Variants in ATXN10 observed in about 807,000 individuals in gnomAD.
The protein encoded by ATXN10 is ataxin-10.
Under a neutral mutation model 52.9 loss-of-function variants are expected in ATXN10, and 28 were observed. That is an observed-to-expected ratio of 0.53 (90% confidence interval 0.39 to 0.73). The LOEUF is 0.73. ATXN10 is among the 30% of genes least tolerant of loss of function. The pLI is 0.00. For synonymous variants in ATXN10, 226 were observed against 221.5 expected (o/e 1.02, Z -0.18); for missense variants, 565 against 577.0 (o/e 0.98, Z 0.21).
chr22:45,672,390 C>A, intron 1 of ATXN10: 2 of 340,194 alleles, frequency 5.9e-6, no homozygotes, highest in Non-Finnish European at 4.5e-6. Flanking sequence ...GCGGGCGCCC[C>A]GCTCCCCCAC....
Position 45,783,278 on chromosome 22 carries a change from T to C in ATXN10, c.1174-23681T>C, listed in dbSNP as rs1489496332. ...AGGATTCAAGCCCTGGGAGGGATGGTGAGAGATTTTCTCATGCTCCTCAGC... is the reference window on the plus strand; with the variant it reads ...AGGATTCAAGCCCTGGGAGGGATGGCGAGAGATTTTCTCATGCTCCTCAGC... On this transcript the variant is annotated intron_variant, in intron 9 of 11. Transcript: ENST00000252934. This position sits in a 1 kb window ranked among gnomAD's most constrained non-coding sequence, Gnocchi z 5.0. 3.3e-5 allele frequency among the ~76,000 whole-genome samples: 5 copies of C among 152,180 alleles called. No homozygotes were observed. Among genetic ancestry groups the C allele is most frequent in the African/African-American group, 1.2e-4 (5 of 41,444 alleles).
chr22:45,809,620 A>T (rs1928215673), intron 10 of ATXN10, among the ~76,000 whole-genome samples: 1 of 152,110 alleles, frequency 6.6e-6, no homozygotes. Flanking sequence ...TGGAGTTAGG[A>T]CTGCACATCC....
At chr22:45,827,796 C>T (rs979505158) in intron 10 of ATXN10, among the ~76,000 whole-genome samples, 5 of 152,154 alleles carry the variant, frequency 3.3e-5, no homozygotes, top group African/African-American at 1.2e-4. Flanking sequence ...ATACACAGAA[C>T]ACTCTATCCT....
Position 45,677,934 on chromosome 22 carries a change from A to C in ATXN10, c.116+5755A>C, listed in dbSNP as rs2146723286. On this transcript the variant is annotated intron_variant, in intron 1 of 11. Coordinates refer to ENST00000252934, the MANE Select transcript of ATXN10 (RefSeq NM_013236.4). This position sits in a 1 kb window ranked among gnomAD's most constrained non-coding sequence, Gnocchi z 4.1. The stretch of plus-strand genomic sequence containing the variant: ...CTCAAAAAGCTAAACATGGAATATG[A>C]CCAAGCAGTTTTACTCTTAGGTATG... The C allele has an allele frequency of 6.6e-6, 1 of 152,334 alleles. No individual in the cohort carries two copies. The highest frequency in any genetic ancestry group is 2.1e-4 in the South Asian group (1 of 4,824). 9.4% of individuals were successfully genotyped at this position (152,334 alleles called of 1,614,324 possible).
intron 10 of ATXN10, among the ~76,000 whole-genome samples, chr22:45,832,874 C>G (rs764212713): frequency 7.9e-5 from 12 of 152,162 alleles, no homozygotes; most frequent in Non-Finnish European, 1.5e-4. Flanking sequence ...TAGAGAGATA[C>G]GCGTCAAGGG....
chr22:45,702,805 A>T lies in ATXN10; in HGVS notation c.605A>T (p.Asp202Val), dbSNP rs1414605681. The T allele has an allele frequency of 6.2e-7, 1 of 1,613,902 alleles. No individual in the cohort carries two copies. Among genetic ancestry groups the T allele is most frequent in the Non-Finnish European group, 8.5e-7 (1 of 1,180,008 alleles). ...GAGGAGAACCTCAATATTGCAATTGATGTCATAGATGCTTACCAAAAACAT... is the reference window on the plus strand; with the variant it reads ...GAGGAGAACCTCAATATTGCAATTGTTGTCATAGATGCTTACCAAAAACAT... ...ELEENLNIAI[D>V]VIDAYQKHPE... Residue 202 changes from aspartate to valine, a missense_variant, in exon 5 of 12, where the codon GAT (aspartate) becomes GTT (valine). Physicochemically the swap from Asp to Val is radical, Grantham distance 152. Coordinates refer to ENST00000252934, the MANE Select transcript of ATXN10 (RefSeq NM_013236.4).
In ATXN10 at chr22:45,762,294, C is replaced by G. The variant is rs1926422343; in HGVS notation, c.1173+21756C>G. Among the ~76,000 whole-genome samples, 1 of 152,208 alleles carries G rather than the reference C, an allele frequency of 6.6e-6. No homozygotes were observed. Among genetic ancestry groups the G allele is most frequent in the Admixed American group, 6.5e-5 (1 of 15,286 alleles). On this transcript the variant is annotated intron_variant, in intron 9 of 11. Coordinates refer to ENST00000252934, the MANE Select transcript of ATXN10 (RefSeq NM_013236.4). The surrounding 1 kb of genome is among the most constrained non-coding windows in gnomAD (Gnocchi z 4.3). ...GGGACCTCGGCTTATTTTTCTCTGT[C>G]TTTGCATTGCTTGACAGAGGGCCTG...
Position 45,696,714 on chromosome 22 carries a change from C to G in ATXN10, c.392-3568C>G, listed in dbSNP as rs1336090356. ...CAGTCCAGTATCTCGTTTTTCTGCTCTATCCCAAATGTGCTACAAAAGATG... is the reference window on the plus strand; with the variant it reads ...CAGTCCAGTATCTCGTTTTTCTGCTGTATCCCAAATGTGCTACAAAAGATG... On this transcript the variant is annotated intron_variant, in intron 3 of 11. Coordinates refer to ENST00000252934, the MANE Select transcript of ATXN10 (RefSeq NM_013236.4). This position sits in a 1 kb window ranked among gnomAD's most constrained non-coding sequence, Gnocchi z 4.7. 6.6e-6 allele frequency among the ~76,000 whole-genome samples: 1 copy of G among 152,198 alleles called. No individual in the cohort carries two copies. The highest frequency in any genetic ancestry group is 1.5e-5 in the Non-Finnish European group (1 of 68,044).
chr22:45,704,418 A>G (rs780661505), intron 5 of ATXN10, among the ~76,000 whole-genome samples: 1 of 151,650 alleles, frequency 6.6e-6, no homozygotes, highest in African/African-American at 2.4e-5. Context: ...CCATGAATAG[A>G]GGATATTCAT....
Position 45,825,817 on chromosome 22 carries a change from C to T in ATXN10, c.1238-17174C>T, listed in dbSNP as rs1928795792. On this transcript the variant is annotated intron_variant, in intron 10 of 11. Transcript: ENST00000252934. This position sits in a 1 kb window ranked among gnomAD's most constrained non-coding sequence, Gnocchi z 4.5. ...GGACAAGCCCAGGTGCAGTGGCTGACACCAGTAATCCCAGCACCTACCAGG... is the reference window on the plus strand; with the variant it reads ...GGACAAGCCCAGGTGCAGTGGCTGATACCAGTAATCCCAGCACCTACCAGG... 6.6e-6 allele frequency among the ~76,000 whole-genome samples: 1 copy of T among 152,216 alleles called. No individual in the cohort carries two copies. Among genetic ancestry groups the T allele is most frequent in the African/African-American group, 2.4e-5 (1 of 41,448 alleles).
rs758254014 is a variant in ATXN10, at chr22:45,740,554, A to T, written c.1173+16A>T. ...CCAAGACAAGGTAAGAGGATTTCTTAGTATGTATTATACATGTATGGCTTC... is the reference window on the plus strand; with the variant it reads ...CCAAGACAAGGTAAGAGGATTTCTTTGTATGTATTATACATGTATGGCTTC... On this transcript the variant is annotated intron_variant, in intron 9 of 11. Coordinates refer to ENST00000252934, the MANE Select transcript of ATXN10 (RefSeq NM_013236.4). The T allele has an allele frequency of 6.2e-7, 1 of 1,610,228 alleles. No homozygotes were observed. The highest frequency in any genetic ancestry group is 1.1e-5 in the South Asian group (1 of 91,014).
chr22:45,723,378 G>A (rs2146781309), intron 6 of ATXN10, among the ~76,000 whole-genome samples: 1 of 151,908 alleles, frequency 6.6e-6, no homozygotes, highest in South Asian at 2.1e-4. Context: ...ATAGTGGTGT[G>A]GTTTTGGCTA....
chr22:45,689,184 A>G (rs1923270136), intron 1 of ATXN10, among the ~76,000 whole-genome samples: 2 of 152,232 alleles, frequency 1.3e-5, no homozygotes, highest in South Asian at 4.1e-4. Flanking sequence ...TCCTACAGGA[A>G]TATTGTTTCT....
intron 9 of ATXN10, among the ~76,000 whole-genome samples, chr22:45,797,399 A>G (rs907786636): frequency 5.3e-5 from 8 of 152,254 alleles, no homozygotes; most frequent in African/African-American, 7.2e-5. Context: ...AGTTAAAACT[A>G]TAAAATATCT....
chr22:45,672,192 G>A lies in ATXN10; in HGVS notation c.116+13G>A. 6.6e-7 allele frequency: 1 copy of A among 1,524,918 alleles called. No individual in the cohort carries two copies. The highest frequency in any genetic ancestry group is 1.2e-5 in the South Asian group (1 of 82,782). 94.5% of individuals were successfully genotyped at this position (1,524,918 alleles called of 1,614,324 possible). A position where few individuals can be genotyped will look rare whatever the true frequency, so the allele number is the denominator to read the frequency against. On this transcript the variant is annotated intron_variant, in intron 1 of 11. Coordinates refer to ENST00000252934, the MANE Select transcript of ATXN10 (RefSeq NM_013236.4). ...AGCAGCGGAACCGGTAACGGGTCCG[G>A]CCGGGGGGCTGCCCCGGGCAGGGGA...
At chr22:45,703,074 T>TATGGTGAGGA (rs1171730271) in intron 5 of ATXN10, among the ~76,000 whole-genome samples, 1 of 152,194 alleles carries the variant, frequency 6.6e-6, no homozygotes, top group African/African-American at 2.4e-5. Flanking sequence ...GAGAATTCTT[T>TATGGTGAGGA]AAGGTGGTGA....
chr22:45,710,128 T>C (rs1392787027), intron 5 of ATXN10, among the ~76,000 whole-genome samples: 3 of 152,218 alleles, frequency 2.0e-5, no homozygotes, highest in Non-Finnish European at 4.4e-5. Flanking sequence ...CTTGCTTAAA[T>C]AAACCATTCA....
intron 10 of ATXN10, among the ~76,000 whole-genome samples, chr22:45,822,638 C>G (rs761515747): frequency 3.5e-5 from 5 of 142,498 alleles, no homozygotes; most frequent in Non-Finnish European, 6.0e-5. Context: ...TCAAGTGATT[C>G]TCCTGCCTGA....
Position 45,718,638 on chromosome 22 carries a change from T to C in ATXN10, c.728+145T>C. 1 of 813,922 alleles carries C rather than the reference T, an allele frequency of 1.2e-6. No individual in the cohort carries two copies. The highest frequency in any genetic ancestry group is 1.4e-5 in the South Asian group (1 of 70,266). 50.4% of individuals were successfully genotyped at this position (813,922 alleles called of 1,614,324 possible). A position where few individuals can be genotyped will look rare whatever the true frequency, so the allele number is the denominator to read the frequency against. On this transcript the variant is annotated intron_variant, in intron 6 of 11. Coordinates refer to ENST00000252934, the MANE Select transcript of ATXN10 (RefSeq NM_013236.4). This position sits in a 1 kb window ranked among gnomAD's most constrained non-coding sequence, Gnocchi z 4.4. ...GTGTTGGTAATGGTTTTAAATTGGT[T>C]GGTTAACATTACAGCTTAGCCACAG...
Sources: gnomAD v4.1 joint callset for allele counts (sites outside exome capture counted in the v4.1 genomes callset) on GRCh38, gnomAD v4.1.1 for gene constraint, Gnocchi (gnomAD v3.1) non-coding constraint, MANE v1.5 for transcripts, NCBI Gene and HGNC (gene_info 2026-07-23, HGNC 2026-07-21) for gene names.